JPH1: variants seen among roughly 807,000 people sequenced by gnomAD.
JPH1 encodes junctophilin-1.
In JPH1, 12 loss-of-function variants were observed where a neutral mutation model predicts 53.6. The ratio of observed to expected loss-of-function variants is 0.22; its 90% CI spans 0.14 to 0.36. The LOEUF (loss-of-function observed/expected upper bound fraction) is 0.36. Ranked by LOEUF, JPH1 falls within the 10% of genes least tolerant of loss-of-function variation. The probability of loss-of-function intolerance (pLI) is 1.00; values close to 1 mark genes in which losing one functional copy is unlikely to be tolerated. For missense variants in JPH1, 808 were observed against 905.5 expected, an observed-to-expected ratio of 0.89 and a Z score of 1.38; for synonymous variants, 375 against 363.8, an observed-to-expected ratio of 1.03 and a Z score of -0.35.
At chr8:74,276,542 A>G (rs1255999256) in intron 2 of JPH1, among the ~76,000 whole-genome samples, 1 of 152,250 alleles carries the variant, frequency 6.6e-6, no homozygotes, top group African/African-American at 2.4e-5. Context: ...TCAAATAAGT[A>G]TTGACAATAA....
chr8:74,244,952 G>A lies in JPH1; in HGVS notation c.1482C>T (p.Leu494=), dbSNP rs753354605. Reference sequence around the variant, plus strand: ...CAGCCACACTCCTTTTGTCTTGGTTGAGTCTCGCCCCTGAGCTGGGGTTTT... The same window carrying A: ...CAGCCACACTCCTTTTGTCTTGGTTAAGTCTCGCCCCTGAGCTGGGGTTTT... ...KKQNPSSGAR[L]NQDKRSVADE... Residue 494 remains leucine, a synonymous_variant, in exon 4 of 6, where the codon CTC becomes CTT. Coordinates refer to ENST00000342232, the MANE Select transcript of JPH1 (RefSeq NM_020647.4). 8 of 1,614,036 alleles carry A rather than the reference G, an allele frequency of 5.0e-6. No individual in the cohort carries two copies. The African/African-American group carries it at 8.0e-5, about 16-fold the overall frequency.
chr8:74,243,062 G>T (rs1024115604), intron 4 of JPH1, among the ~76,000 whole-genome samples: 7 of 152,184 alleles, frequency 4.6e-5, no homozygotes, highest in African/African-American at 1.7e-4. Flanking sequence ...GCCCACAAAT[G>T]GGTACCCAAA....
chr8:74,248,274 G>A (rs1449753434), intron 3 of JPH1, among the ~76,000 whole-genome samples: 1 of 152,162 alleles, frequency 6.6e-6, no homozygotes, highest in Non-Finnish European at 1.5e-5. Flanking sequence ...AATGGTGGAA[G>A]TACATTTTAG....
chr8:74,285,638 T>C (rs1165761042), intron 2 of JPH1, among the ~76,000 whole-genome samples: 1 of 152,230 alleles, frequency 6.6e-6, no homozygotes, highest in Non-Finnish European at 1.5e-5. Context: ...CCTAGTGTGA[T>C]TATTCAGTTT....
intron 3 of JPH1, among the ~76,000 whole-genome samples, chr8:74,248,466 C>G (rs1805930715): frequency 6.6e-6 from 1 of 152,172 alleles, no homozygotes; most frequent in South Asian, 2.1e-4. Flanking sequence ...TAATGTTTAA[C>G]AAATGATCCG....
At chr8:74,300,004 G>A (rs1170060349) in intron 2 of JPH1, among the ~76,000 whole-genome samples, 1 of 152,112 alleles carries the variant, frequency 6.6e-6, no homozygotes, top group Admixed American at 6.5e-5. Context: ...TTTCACTTAC[G>A]GAATTAAACA....
chr8:74,289,736 T>C (rs1262694505), intron 2 of JPH1, among the ~76,000 whole-genome samples: 1 of 152,246 alleles, frequency 6.6e-6, no homozygotes, highest in African/African-American at 2.4e-5. Flanking sequence ...TATTTTGAGA[T>C]ACGTCCCATC....
intron 2 of JPH1, among the ~76,000 whole-genome samples, chr8:74,300,597 T>C (rs1371332788): frequency 6.6e-6 from 1 of 152,242 alleles, no homozygotes; most frequent in Non-Finnish European, 1.5e-5. Context: ...TATAATCTTG[T>C]TCCGAAGTAT....
chr8:74,241,108 A>C (rs1225314867), intron 4 of JPH1, among the ~76,000 whole-genome samples: 2 of 152,162 alleles, frequency 1.3e-5, no homozygotes, highest in African/African-American at 4.8e-5. Context: ...TATATGTTCT[A>C]ATATACACAC....
chr8:74,246,090 T>A (rs1161278576), intron 3 of JPH1, among the ~76,000 whole-genome samples: 1 of 152,042 alleles, frequency 6.6e-6, no homozygotes, highest in Non-Finnish European at 1.5e-5. Flanking sequence ...GGCCTTCAGC[T>A]CTCAGCAAGT....
At chr8:74,264,081 C>T (rs1806468577) in intron 2 of JPH1, among the ~76,000 whole-genome samples, 1 of 152,214 alleles carries the variant, frequency 6.6e-6, no homozygotes. Context: ...ACAGACTCCT[C>T]TGCAAGGCTC....
At chr8:74,255,296 A>T (rs1321793315) in intron 3 of JPH1, among the ~76,000 whole-genome samples, 1 of 152,118 alleles carries the variant, frequency 6.6e-6, no homozygotes, top group African/African-American at 2.4e-5. Flanking sequence ...AAATGGGGAA[A>T]GGATTCCCTA....
At position 74,315,362 on chromosome 8, in the gene JPH1, C is replaced by G. The variant is rs201314759; in HGVS notation, c.638G>C (p.Arg213Pro). The change falls in exon 2 of 6, where the codon CGG becomes CCG. Residue 213 changes from arginine to proline, a missense_variant. Around this residue, in one of 2 missense-constraint regions of JPH1, gnomAD observed 756 missense variants for 811.9 expected, o/e 0.93. Transcript: ENST00000342232. The surrounding 1 kb of genome is among the most constrained non-coding windows in gnomAD (Gnocchi z 6.3). ...LAGKKKGGLF[R>P]RGSLLGSMKL... ...CATGCTTCCAAGAAGGGAGCCCCTC[C>G]GGAAGAGGCCGCCCTTCTTCTTGCC... is the stretch of plus-strand genomic sequence containing the variant. The G allele has an allele frequency of 5.9e-5, 95 of 1,612,862 alleles. No homozygotes were observed. The Admixed American group carries it at 9.2e-4, about 16-fold the overall frequency.
chr8:74,244,726 C>A lies in JPH1; in HGVS notation c.1708G>T (p.Gly570Cys). The change falls in exon 4 of 6, where the codon GGC becomes TGC. Residue 570 changes from glycine to cysteine, a missense_variant. Transcript: ENST00000342232. The part of the protein sequence containing the change: ...PQHPPVDVED[G>C]DGSSQSSSAL... ...GAGGAAGACTGGCTGGATCCATCGC[C>A]GTCCTCCACGTCTACTGGAGGGTGC... 6.2e-7 allele frequency: 1 copy of A among 1,614,132 alleles called. No homozygotes were observed. The highest frequency in any genetic ancestry group is 1.6e-4 in the Middle Eastern group (1 of 6,062).
At chr8:74,295,066 C>A (rs957551120) in intron 2 of JPH1, among the ~76,000 whole-genome samples, 3 of 152,198 alleles carry the variant, frequency 2.0e-5, no homozygotes, top group African/African-American at 7.2e-5. Context: ...AGCACTTTAG[C>A]AGGGAAGAAA....
In JPH1 at chr8:74,302,110, A is replaced by G. The variant is rs189396645; in HGVS notation, c.1139+12751T>C. Among the ~76,000 whole-genome samples the G allele has an allele frequency of 3.6e-4, 55 of 152,316 alleles. No homozygotes were observed. In the East Asian group the frequency reaches 0.01, roughly 29 times the overall value. Reference sequence around the variant, plus strand: ...TGTCAAATTCACACAGCAGGTAACCACTCAAGACCTGTTGGGTCTTTTTGT... The same window carrying G: ...TGTCAAATTCACACAGCAGGTAACCGCTCAAGACCTGTTGGGTCTTTTTGT... On this transcript the variant is annotated intron_variant, in intron 2 of 5. Transcript: ENST00000342232.
rs1156777593 is a variant in JPH1 at position 74,275,363 on chromosome 8, C to T, written c.1140-15860G>A. Among the ~76,000 whole-genome samples, 8 of 152,228 alleles carry T rather than the reference C, an allele frequency of 5.3e-5. 1 individual carries two copies. In the South Asian group the frequency reaches 1.7e-3, roughly 32 times the overall value. ...GCACATGTTACTGAATATAATTACG[C>T]TTTGAATATCATGAAAACACAACCC... On this transcript the variant is annotated intron_variant, in intron 2 of 5. Transcript: ENST00000342232.
chr8:74,314,973 G>T lies in JPH1; in HGVS notation c.1027C>A (p.Gln343Lys). 1 of 1,614,156 alleles carries T rather than the reference G, an allele frequency of 6.2e-7. No individual in the cohort carries two copies. Among genetic ancestry groups the T allele is most frequent in the Admixed American group, 1.7e-5 (1 of 60,018 alleles). The change falls in exon 2 of 6, where the codon CAG becomes AAG. Residue 343 changes from glutamine to lysine, a missense_variant. Coordinates refer to ENST00000342232, the MANE Select transcript of JPH1 (RefSeq NM_020647.4). ...NNILVRGIRK[Q>K]LIPIRHTKTR... ...TTTGTATGTCTTATTGGTATAAGCT[G>T]CTTCCTTATCCCACGGACCAGAATA... is the stretch of plus-strand genomic sequence containing the variant.
At position 74,315,450 on chromosome 8, in the gene JPH1, C is replaced by G; in HGVS notation, c.550G>C (p.Asp184His). The G allele has an allele frequency of 1.9e-6, 3 of 1,609,368 alleles. No individual in the cohort carries two copies. The highest frequency in any genetic ancestry group is 2.5e-6 in the Non-Finnish European group (3 of 1,178,380). Residue 184 changes from aspartate to histidine, a missense_variant, in exon 2 of 6, where the codon GAC becomes CAC. Coordinates refer to ENST00000342232, the MANE Select transcript of JPH1 (RefSeq NM_020647.4). This position sits in a 1 kb window ranked among gnomAD's most constrained non-coding sequence, Gnocchi z 6.3. ...CCGCCGCGGGTGCCGGCCGGGCTGT[C>G]GGCGGCGGCTGCGGCGTCGTGGAGC... is the stretch of plus-strand genomic sequence containing the variant. ...SVLHDAAAAA[D>H]SPAGTRGGFV...
Sources: gnomAD v4.1 joint callset for allele counts (sites outside exome capture counted in the v4.1 genomes callset) on GRCh38, gnomAD v4.1.1 for gene constraint, gnomAD v4.1.1 regional missense constraint, Gnocchi (gnomAD v3.1) non-coding constraint, MANE v1.5 for transcripts, NCBI Gene and HGNC (gene_info 2026-07-23, HGNC 2026-07-21) for gene names.